Variants in HACE1 observed in about 807,000 individuals in gnomAD.
HACE1 encodes the protein E3 ubiquitin-protein ligase HACE1.
A neutral mutation model predicts 118.4 loss-of-function variants in HACE1; 73 were observed. That is an observed-to-expected ratio of 0.62 (90% CI 0.51 to 0.75). The LOEUF (loss-of-function observed/expected upper bound fraction) is 0.75. Among genes scored for constraint, HACE1 ranks in the 30% least tolerant of loss-of-function variants. HACE1 has a pLI of 0.00. For synonymous variants in HACE1, 368 were observed against 374.8 expected (o/e 0.98, Z 0.21); for missense variants, 749 against 1,102.2 (o/e 0.68, Z 4.54).
chr6:104,847,670 C>T (rs1473346710), intron 4 of HACE1, among the ~76,000 whole-genome samples: 1 of 152,060 alleles, frequency 6.6e-6, no homozygotes, highest in Non-Finnish European at 1.5e-5. Flanking sequence ...CAATTTTTAG[C>T]TCCATATCCA....
At chr6:104,840,888 G>A (rs1003988702) in intron 5 of HACE1, among the ~76,000 whole-genome samples, 2 of 152,172 alleles carry the variant, frequency 1.3e-5, no homozygotes, top group East Asian at 1.9e-4. Context: ...GCTTGAACCC[G>A]GTAAGTGGAG....
At chr6:104,775,152 G>A (rs576634090) in intron 17 of HACE1, among the ~76,000 whole-genome samples, 45 of 152,188 alleles carry the variant, frequency 3.0e-4, no homozygotes, top group African/African-American at 8.9e-4. Context: ...GGCCAGCCTC[G>A]GCAGCATGGC....
At chr6:104,798,381 T>C (rs1399775686) in intron 7 of HACE1, among the ~76,000 whole-genome samples, 6 of 152,082 alleles carry the variant, frequency 3.9e-5, no homozygotes, top group African/African-American at 1.4e-4. Flanking sequence ...TTAAAACCAA[T>C]TGGAATTAAA....
intron 4 of HACE1, among the ~76,000 whole-genome samples, chr6:104,847,325 T>C (rs948370138): frequency 6.6e-6 from 1 of 152,234 alleles, no homozygotes; most frequent in African/African-American, 2.4e-5. Context: ...TCAAGACCTT[T>C]GTCGATACCC....
chr6:104,857,491 ATTC>A (rs1025259788), intron 1 of HACE1, among the ~76,000 whole-genome samples: 5 of 151,946 alleles, frequency 3.3e-5, no homozygotes, highest in Admixed American at 3.3e-4. Flanking sequence ...TATTGTAGAT[ATTC>A]TTCTTGTAAG....
In HACE1 at chr6:104,831,762, C is replaced by T. The variant is rs1179646438; in HGVS notation, c.534+1280G>A. ...CAAAAAATTAGCCGGGCGTGGTGGC[C>T]GGTCCCTGTAGTCCCAGCCACTCGG... On this transcript the variant is annotated intron_variant, in intron 6 of 23. Coordinates refer to ENST00000262903, the MANE Select transcript of HACE1 (RefSeq NM_020771.4). Among the ~76,000 whole-genome samples, 4 of 148,920 alleles carry T rather than the reference C, an allele frequency of 2.7e-5. No homozygotes were observed. The Admixed American group carries it at 2.7e-4, about 10-fold the overall frequency.
intron 19 of HACE1, among the ~76,000 whole-genome samples, chr6:104,756,138 C>A (rs570400576): frequency 1.3e-5 from 2 of 152,120 alleles, no homozygotes; most frequent in South Asian, 4.1e-4. Flanking sequence ...ACCTGCCAGG[C>A]ACGGTGGCTC....
intron 11 of HACE1, 46 bp downstream of exon 11, chr6:104,791,458 T>A: frequency 6.6e-7 from 1 of 1,523,958 alleles, no homozygotes; most frequent in Non-Finnish European, 9.1e-7. Flanking sequence ...GTCAAATTCA[T>A]CTCTTTTACG....
intron 10 of HACE1, among the ~76,000 whole-genome samples, chr6:104,794,722 G>A (rs1783423585): frequency 6.6e-6 from 1 of 152,164 alleles, no homozygotes; most frequent in Non-Finnish European, 1.5e-5. Context: ...TGGGCAACAT[G>A]GCAAAACCCC....
chr6:104,770,548 G>A (rs1455658750), intron 19 of HACE1, among the ~76,000 whole-genome samples: 1 of 151,794 alleles, frequency 6.6e-6, no homozygotes, highest in Non-Finnish European at 1.5e-5. Flanking sequence ...GTGAAACCCC[G>A]TCTCTACTAA....
chr6:104,846,364 A>G lies in HACE1; in HGVS notation c.326+2778T>C, dbSNP rs529181465. Among the ~76,000 whole-genome samples the G allele has an allele frequency of 7.2e-5, 11 of 152,318 alleles. No homozygotes were observed. In the South Asian group the frequency reaches 1.9e-3, roughly 26 times the overall value. Reference sequence around the variant, plus strand: ...CCAAAACACAACCTAAGAACACACAATAATTTTAAAGCCTCTCCTTTTAAC... The same window carrying G: ...CCAAAACACAACCTAAGAACACACAGTAATTTTAAAGCCTCTCCTTTTAAC... On this transcript the variant is annotated intron_variant, in intron 4 of 23. Transcript: ENST00000262903.
In HACE1 at chr6:104,783,953, A is replaced by C. The variant is rs1441066971; in HGVS notation, c.1566+133T>G. 4.5e-6 allele frequency: 3 copies of C among 667,372 alleles called. No homozygotes were observed. The African/African-American group carries it at 5.5e-5, about 12-fold the overall frequency. The allele number at this position is 667,372 out of a possible 1,614,324, so 41.3% of individuals were successfully genotyped here. A position where few individuals can be genotyped will look rare whatever the true frequency, so the allele number is the denominator to read the frequency against. On this transcript the variant is annotated intron_variant, in intron 14 of 23. Transcript: ENST00000262903. The stretch of plus-strand genomic sequence containing the variant: ...ATTTCTTGAAGAAAACTTACTCCTC[A>C]TATTAAAGTAACATGCAATCATTCC...
rs975448224 is a variant in HACE1, at chr6:104,859,884, C to T, written c.-242G>A. 11 of 480,512 alleles carry T rather than the reference C, an allele frequency of 2.3e-5. No homozygotes were observed. The highest frequency in any genetic ancestry group is 1.2e-4 in the African/African-American group (6 of 48,130). 29.8% of individuals were successfully genotyped at this position (480,512 alleles called of 1,614,324 possible). A position where few individuals can be genotyped will look rare whatever the true frequency, so the allele number is the denominator to read the frequency against. ...CTGCTCGCGCCTTTCCTGCAGCCCCCGCCGCCGCGTCCCTCCCGGGCTCGC... is the reference window on the plus strand; with the variant it reads ...CTGCTCGCGCCTTTCCTGCAGCCCCTGCCGCCGCGTCCCTCCCGGGCTCGC... On this transcript the variant is annotated 5_prime_UTR_variant, in exon 1 of 24. Transcript: ENST00000262903.
rs373101462 is a variant in HACE1, at chr6:104,749,719, A to G, written c.2343+622T>C. On this transcript the variant is annotated intron_variant, in intron 20 of 23. Transcript: ENST00000262903. ...AATAATTCTCCAAATTACCAAAACT[A>G]AAGAGAAAAAGAAAATAGAGAAAAA... 7.2e-5 allele frequency among the ~76,000 whole-genome samples: 11 copies of G among 152,230 alleles called. No individual in the cohort carries two copies. The South Asian group carries it at 2.3e-3, about 32-fold the overall frequency.
At chr6:104,849,754 T>C (rs1242282767) in intron 3 of HACE1, among the ~76,000 whole-genome samples, 1 of 151,466 alleles carries the variant, frequency 6.6e-6, no homozygotes, top group Non-Finnish European at 1.5e-5. Flanking sequence ...GTTCACGCCA[T>C]TCTCCTGCCT....
intron 19 of HACE1, among the ~76,000 whole-genome samples, chr6:104,755,019 C>G (rs1466039317): frequency 6.6e-6 from 1 of 152,182 alleles, no homozygotes; most frequent in African/African-American, 2.4e-5. Flanking sequence ...CAAGACCCAT[C>G]AGTATGCTGT....
At chr6:104,840,503 G>A (rs542291515) in intron 5 of HACE1, among the ~76,000 whole-genome samples, 1 of 152,118 alleles carries the variant, frequency 6.6e-6, no homozygotes, top group South Asian at 2.1e-4. Context: ...ATGCTATTTA[G>A]ATATAGAGAC....
intron 22 of HACE1, among the ~76,000 whole-genome samples, chr6:104,743,481 G>T (rs950893844): frequency 2.0e-5 from 3 of 151,410 alleles, no homozygotes; most frequent in African/African-American, 7.3e-5. Context: ...AACTTTCCTA[G>T]GAGAAATATG....
intron 7 of HACE1, among the ~76,000 whole-genome samples, chr6:104,805,359 T>C (rs532089064): frequency 6.6e-6 from 1 of 152,294 alleles, no homozygotes; most frequent in South Asian, 2.1e-4. Context: ...ACTGGGTATA[T>C]ACCCAATGGA....
Sources: gnomAD v4.1 joint callset for allele counts (sites outside exome capture counted in the v4.1 genomes callset) on GRCh38, gnomAD v4.1.1 for gene constraint, MANE v1.5 for transcripts, NCBI Gene and HGNC (gene_info 2026-07-23, HGNC 2026-07-21) for gene names.